LARGE1: variants seen among roughly 807,000 people sequenced by gnomAD.
The protein encoded by LARGE1 is LARGE xylosyl- and glucuronyltransferase 1.
In LARGE1, 43 loss-of-function variants were observed where a neutral mutation model predicts 87.6. The ratio of observed to expected loss-of-function variants is 0.49; its 90% confidence interval spans 0.38 to 0.63. The LOEUF (loss-of-function observed/expected upper bound fraction) is 0.63, where lower values mean the gene tolerates loss of function less well. LARGE1 is among the 30% of genes least tolerant of loss of function. LARGE1 has a pLI of 0.00. For missense variants in LARGE1, 802 were observed against 1,000.2 expected, an observed-to-expected ratio of 0.80 and a Z score of 2.67; for synonymous variants, 434 against 394.6, an observed-to-expected ratio of 1.10 and a Z score of -1.18.
At chr22:33,664,210 A>G (rs2081206575) in intron 2 of LARGE1, among the ~76,000 whole-genome samples, 1 of 152,218 alleles carries the variant, frequency 6.6e-6, no homozygotes, top group Non-Finnish European at 1.5e-5. Context: ...CTGTGGAAGG[A>G]GATGATGACT....
At chr22:33,159,978 C>CTTATGCACT (rs1921970941), downstream of LARGE1, among the ~76,000 whole-genome samples, 2 of 149,178 alleles carry the variant, frequency 1.3e-5, no homozygotes, top group Admixed American at 6.7e-5. Context: ...AACAAAATAA[C>CTTATGCACT]TTATGCACTT....
intron 6 of LARGE1, among the ~76,000 whole-genome samples, chr22:33,490,467 C>T (rs995095527): frequency 1.2e-4 from 18 of 152,190 alleles, no homozygotes; most frequent in African/African-American, 3.4e-4. Context: ...AACATGAAAA[C>T]GGCTCAGTAA....
chr22:33,571,476 G>A (rs1486716129), intron 5 of LARGE1, among the ~76,000 whole-genome samples: 1 of 152,134 alleles, frequency 6.6e-6, no homozygotes, highest in Admixed American at 6.5e-5. Flanking sequence ...GGGGATGGAG[G>A]AAAGCCATGT....
At chr22:33,552,307 A>G (rs2077548861) in intron 6 of LARGE1, among the ~76,000 whole-genome samples, 2 of 152,126 alleles carry the variant, frequency 1.3e-5, no homozygotes, top group African/African-American at 4.8e-5. Flanking sequence ...ATGTTTTTGT[A>G]CCACAACTCT....
chr22:33,306,228 C>T (rs1258906517), intron 11 of LARGE1, among the ~76,000 whole-genome samples: 1 of 152,166 alleles, frequency 6.6e-6, no homozygotes, highest in African/African-American at 2.4e-5. Flanking sequence ...GCTGTGGGGG[C>T]CTGCCCTCTC....
At chr22:33,792,950 T>C (rs2085868344) in intron 1 of LARGE1, among the ~76,000 whole-genome samples, 1 of 152,190 alleles carries the variant, frequency 6.6e-6, no homozygotes, top group Non-Finnish European at 1.5e-5. Context: ...GCACCTCTTC[T>C]AGACCAAGTA....
chr22:33,134,758 T>TG, the LARGE1 span, among the ~76,000 whole-genome samples: 1 of 152,172 alleles, frequency 6.6e-6, no homozygotes, highest in African/African-American at 2.4e-5. Context: ...TCCTTTTGTT[T>TG]GGGAATGTCA....
intron 11 of LARGE1, among the ~76,000 whole-genome samples, chr22:33,232,600 T>C (rs5998822): frequency 0.37 from 56,377 of 152,132 alleles, 10,706 homozygotes; most frequent in Non-Finnish European, 0.42. Flanking sequence ...CTTGACCCTT[T>C]AGCTTTCTTA....
intron 7 of LARGE1, among the ~76,000 whole-genome samples, chr22:33,427,389 T>C (rs748433942): frequency 6.6e-6 from 1 of 152,044 alleles, no homozygotes; most frequent in Non-Finnish European, 1.5e-5. Context: ...GGGAAGGAGA[T>C]GAATGGGAGA....
chr22:33,374,133 C>T (rs373912663), intron 9 of LARGE1, among the ~76,000 whole-genome samples: 22 of 152,180 alleles, frequency 1.4e-4, no homozygotes, highest in Middle Eastern at 3.4e-3. Flanking sequence ...CCATGTATTC[C>T]CCTGCTCAAG....
chr22:33,735,922 C>T (rs1027194774), intron 2 of LARGE1, among the ~76,000 whole-genome samples: 7 of 152,196 alleles, frequency 4.6e-5, no homozygotes, highest in Non-Finnish European at 5.9e-5. Context: ...GCTTCTTCCA[C>T]GTAGCGTGTT....
intron 11 of LARGE1, among the ~76,000 whole-genome samples, chr22:33,309,387 G>C (rs932972716): frequency 1.9e-4 from 29 of 152,220 alleles, no homozygotes; most frequent in African/African-American, 6.7e-4. Flanking sequence ...GGCTGGTCTG[G>C]AGCTCCTGAC....
At chr22:33,764,201 T>C (rs1322155962) in intron 1 of LARGE1, among the ~76,000 whole-genome samples, 1 of 151,922 alleles carries the variant, frequency 6.6e-6, no homozygotes, top group Admixed American at 6.6e-5. Flanking sequence ...CAGGATTGGG[T>C]AGAAAACAGA....
chr22:33,471,172 C>A (rs955730097), intron 6 of LARGE1, among the ~76,000 whole-genome samples: 8 of 151,906 alleles, frequency 5.3e-5, no homozygotes, highest in Admixed American at 1.3e-4. Flanking sequence ...GGGTTAAGGG[C>A]ACACACTACC....
intron 10 of LARGE1, among the ~76,000 whole-genome samples, chr22:33,328,684 G>A (rs1167008753): frequency 2.0e-5 from 3 of 151,888 alleles, no homozygotes; most frequent in Non-Finnish European, 2.9e-5. Context: ...TAAGAAAACC[G>A]TATCCATATA....
At chr22:33,814,331 C>G (rs921800976) in intron 1 of LARGE1, among the ~76,000 whole-genome samples, 1 of 152,190 alleles carries the variant, frequency 6.6e-6, no homozygotes, top group Non-Finnish European at 1.5e-5. Context: ...TAGGGCCCAA[C>G]AGGGTCAAAT....
intron 7 of LARGE1, among the ~76,000 whole-genome samples, chr22:33,431,134 G>A (rs5994743): frequency 0.57 from 85,981 of 152,084 alleles, 25,914 homozygotes; most frequent in African/African-American, 0.75. Context: ...GTGGCAATGA[G>A]GATGGAGGAG....
At chr22:33,516,549 C>A (rs1297572678) in intron 6 of LARGE1, among the ~76,000 whole-genome samples, 3 of 152,072 alleles carry the variant, frequency 2.0e-5, no homozygotes, top group Non-Finnish European at 4.4e-5. Flanking sequence ...GAGGACAGAC[C>A]AAGATGATGG....
chr22:33,154,000 A>T, the LARGE1 span, among the ~76,000 whole-genome samples: 1 of 152,102 alleles, frequency 6.6e-6, no homozygotes, highest in African/African-American at 2.4e-5. Context: ...TGTGGGGTTC[A>T]CTTCTTATCC....
Sources: gnomAD v4.1 joint callset for allele counts (sites outside exome capture counted in the v4.1 genomes callset) on GRCh38, gnomAD v4.1.1 for gene constraint, MANE v1.5 for transcripts, NCBI Gene and HGNC (gene_info 2026-07-23, HGNC 2026-07-21) for gene names.